NCAM2: variants seen among roughly 807,000 people sequenced by gnomAD.
The protein encoded by NCAM2 is neural cell adhesion molecule 2, also known as N-CAM-2.
In NCAM2, 30 loss-of-function variants were observed where a neutral mutation model predicts 98.1. That is an observed-to-expected ratio of 0.31 (90% confidence interval 0.23 to 0.41). The LOEUF is 0.41. Among genes scored for constraint, NCAM2 ranks in the 10% least tolerant of loss-of-function variants. NCAM2 has a pLI of 1.00. For missense variants in NCAM2, 867 were observed against 1,005.8 expected (o/e 0.86, Z 1.87); for synonymous variants, 368 against 342.4 (o/e 1.07, Z -0.83).
At chr21:21,275,490 A>C (rs1334155123) in intron 1 of NCAM2, among the ~76,000 whole-genome samples, 1 of 151,806 alleles carries the variant, frequency 6.6e-6, no homozygotes, top group African/African-American at 2.4e-5. Flanking sequence ...AAAAATAAAA[A>C]TAAATAAATT....
chr21:21,382,892 C>A (rs1226166294), intron 9 of NCAM2, among the ~76,000 whole-genome samples: 2 of 149,946 alleles, frequency 1.3e-5, no homozygotes, highest in East Asian at 3.9e-4. Context: ...TTCTTTCTGT[C>A]TTTTTACTGA....
chr21:21,200,751 A>ATTTTTTT (rs58162973), intron 1 of NCAM2, among the ~76,000 whole-genome samples: 16 of 108,660 alleles, frequency 1.5e-4, no homozygotes, highest in East Asian at 2.6e-4. Context: ...GGGGCCCTTC[A>ATTTTTTT]TTTTTTTTTT....
chr21:21,162,895 T>C (rs1440747549), intron 1 of NCAM2, among the ~76,000 whole-genome samples: 1 of 152,146 alleles, frequency 6.6e-6, no homozygotes, highest in Non-Finnish European at 1.5e-5. Context: ...TGTCAAAAGA[T>C]ATCATGAACA....
At chr21:21,476,831 C>T (rs916568550) in intron 14 of NCAM2, among the ~76,000 whole-genome samples, 3 of 151,720 alleles carry the variant, frequency 2.0e-5, no homozygotes, top group Non-Finnish European at 2.9e-5. Context: ...TCATTCATAT[C>T]CAGACTTTAT....
chr21:21,406,348 G>A (rs1379312692), intron 9 of NCAM2, among the ~76,000 whole-genome samples: 8 of 152,158 alleles, frequency 5.3e-5, no homozygotes, highest in Non-Finnish European at 1.2e-4. Context: ...CTAAAGACAG[G>A]CCAAAGACTT....
chr21:21,440,278 A>T (rs1039128772), intron 12 of NCAM2, among the ~76,000 whole-genome samples: 1 of 152,210 alleles, frequency 6.6e-6, no homozygotes, highest in Non-Finnish European at 1.5e-5. Context: ...ACCACAGTAC[A>T]TGTATCAAAA....
At chr21:21,032,430 A>G (rs1568947362) in intron 1 of NCAM2, among the ~76,000 whole-genome samples, 1 of 152,180 alleles carries the variant, frequency 6.6e-6, no homozygotes, top group Admixed American at 6.5e-5. Flanking sequence ...TCTAGAAACC[A>G]CTGGCATTAG....
intron 1 of NCAM2, among the ~76,000 whole-genome samples, chr21:21,087,752 G>A (rs994505161): frequency 6.6e-6 from 1 of 152,110 alleles, no homozygotes; most frequent in East Asian, 1.9e-4. Context: ...GTCTCATTTA[G>A]ATCCTGGTCT....
At chr21:21,312,355 A>G (rs2074081653) in intron 5 of NCAM2, among the ~76,000 whole-genome samples, 1 of 151,176 alleles carries the variant, frequency 6.6e-6, no homozygotes, top group South Asian at 2.1e-4. Context: ...AATACTCAAT[A>G]TACTTAATAT....
intron 15 of NCAM2, among the ~76,000 whole-genome samples, chr21:21,481,650 A>G (rs1985895507): frequency 2.0e-5 from 3 of 152,170 alleles, no homozygotes; most frequent in Admixed American, 2.0e-4. Flanking sequence ...GATGAAACAA[A>G]TCAAGGAGTC....
intron 16 of NCAM2, among the ~76,000 whole-genome samples, chr21:21,524,683 A>G (rs1006125681): frequency 1.3e-5 from 2 of 152,186 alleles, no homozygotes; most frequent in Non-Finnish European, 2.9e-5. Flanking sequence ...TCATCTGTAG[A>G]CGAATTAATC....
chr21:21,075,361 A>G (rs1398479992), intron 1 of NCAM2, among the ~76,000 whole-genome samples: 1 of 152,196 alleles, frequency 6.6e-6, no homozygotes, highest in Non-Finnish European at 1.5e-5. Flanking sequence ...AAAAACAAAG[A>G]AATACAGTTC....
rs149703426 is a variant in NCAM2, at chr21:21,398,152, T to C, written c.1196-12122T>C. Among the ~76,000 whole-genome samples, 109 of 152,272 alleles carry C rather than the reference T, an allele frequency of 7.2e-4. No homozygotes were observed. The South Asian group carries it at 7.5e-3, about 10-fold the overall frequency. ...TTGGAGACCATTATTCTAAGTGACG[T>C]AACTCAGGAATGGAATGCCAAACAT... is the stretch of plus-strand genomic sequence containing the variant. On this transcript the variant is annotated intron_variant, in intron 9 of 17. Coordinates refer to ENST00000400546, the MANE Select transcript of NCAM2 (RefSeq NM_004540.5).
chr21:21,077,899 C>T (rs190182199), intron 1 of NCAM2, among the ~76,000 whole-genome samples: 47 of 152,190 alleles, frequency 3.1e-4, no homozygotes, highest in African/African-American at 1.1e-3. Context: ...CAAGTCTCAT[C>T]TAACATTTTT....
intron 10 of NCAM2, among the ~76,000 whole-genome samples, chr21:21,411,005 TAA>T (rs1337739635): frequency 0.013 from 1,238 of 98,592 alleles, 93 homozygotes; most frequent in African/African-American, 0.05. Context: ...GACTCCGTCT[TAA>T]AAAAAAAAAT....
At chr21:21,058,741 C>A (rs2065263804) in intron 1 of NCAM2, among the ~76,000 whole-genome samples, 1 of 151,080 alleles carries the variant, frequency 6.6e-6, no homozygotes, top group Non-Finnish European at 1.5e-5. Context: ...TGTTATTTTG[C>A]ATACATTTCC....
At chr21:21,104,680 G>C (rs147366934) in intron 1 of NCAM2, among the ~76,000 whole-genome samples, 1 of 151,968 alleles carries the variant, frequency 6.6e-6, no homozygotes, top group Admixed American at 6.6e-5. Flanking sequence ...AGGGCCTGTC[G>C]GTGGGGTGCA....
intron 1 of NCAM2, among the ~76,000 whole-genome samples, chr21:21,212,357 A>G (rs903068872): frequency 4.6e-5 from 7 of 152,206 alleles, no homozygotes; most frequent in African/African-American, 1.7e-4. Context: ...TTATGAGATG[A>G]AGAACAGATT....
intron 1 of NCAM2, among the ~76,000 whole-genome samples, chr21:21,173,974 A>G (rs1022996972): frequency 3.9e-5 from 6 of 152,072 alleles, no homozygotes; most frequent in African/African-American, 1.2e-4. Context: ...CCCAGGCTGG[A>G]GTGCAGTGGC....
Sources: gnomAD v4.1 joint callset for allele counts (sites outside exome capture counted in the v4.1 genomes callset) on GRCh38, gnomAD v4.1.1 for gene constraint, MANE v1.5 for transcripts, NCBI Gene and HGNC (gene_info 2026-07-23, HGNC 2026-07-21) for gene names.